The following LANCL2 variants were observed in gnomAD, a reference collection of about 807,000 sequenced individuals.
The protein encoded by LANCL2 is lanC-like protein 2.
Under a neutral mutation model 56.9 loss-of-function variants are expected in LANCL2, and 33 were observed. The observed-to-expected ratio is 0.58, with a 90% CI of 0.44 to 0.78. The LOEUF (loss-of-function observed/expected upper bound fraction) is 0.78, where lower values mean the gene tolerates loss of function less well. Ranked by LOEUF, LANCL2 falls within the 30% of genes least tolerant of loss-of-function variation. The pLI is 0.00. For synonymous variants in LANCL2, 233 were observed against 228.2 expected (o/e 1.02, Z -0.19); for missense variants, 562 against 580.2 (o/e 0.97, Z 0.32).
At chr7:55,394,963 T>C (rs1790233587) in intron 2 of LANCL2, among the ~76,000 whole-genome samples, 1 of 152,154 alleles carries the variant, frequency 6.6e-6, no homozygotes, top group Non-Finnish European at 1.5e-5. Flanking sequence ...AGCGGCATCC[T>C]TGCTGGCCCC....
intron 7 of LANCL2, among the ~76,000 whole-genome samples, chr7:55,427,801 A>C (rs1258836798): frequency 6.6e-6 from 1 of 152,254 alleles, no homozygotes; most frequent in Non-Finnish European, 1.5e-5. Flanking sequence ...ACGATATGGA[A>C]ACACCCATTG....
chr7:55,429,563 C>T (rs553470961), intron 8 of LANCL2, among the ~76,000 whole-genome samples: 33 of 152,264 alleles, frequency 2.2e-4, no homozygotes, highest in African/African-American at 6.0e-4. Flanking sequence ...TTTAGAAATA[C>T]GAGCAGAAAA....
chr7:55,431,164 A>T, intron 8 of LANCL2, 62 bp from the exon 9 acceptor site: 3 of 1,210,238 alleles, frequency 2.5e-6, no homozygotes, highest in Non-Finnish European at 3.5e-6. Flanking sequence ...AATGATTAAA[A>T]GTCACTGTTA....
intron 6 of LANCL2, among the ~76,000 whole-genome samples, chr7:55,415,617 C>CTTTTTTTTTTTTTTTTTTTTT (rs1790526930): frequency 1.6e-5 from 1 of 60,840 alleles, no homozygotes; most frequent in African/African-American, 5.1e-5. Context: ...CATTGTTTTT[C>CTTTTTTTTTTTTTTTTTTTTT]TTTCTTTTTT....
intron 1 of LANCL2, among the ~76,000 whole-genome samples, chr7:55,380,718 T>C (rs1790057388): frequency 6.6e-6 from 1 of 151,620 alleles, no homozygotes; most frequent in South Asian, 2.1e-4. Flanking sequence ...CAGTGTGTGA[T>C]TGGAGGAAGA....
intron 8 of LANCL2, 95 bp from the exon 9 acceptor site, chr7:55,431,131 T>A: frequency 1.2e-6 from 1 of 840,160 alleles, no homozygotes; most frequent in Non-Finnish European, 1.8e-6. Flanking sequence ...CTTTCCCACA[T>A]GCTTGCAGCC....
intron 1 of LANCL2, among the ~76,000 whole-genome samples, chr7:55,390,920 CTTAA>C (rs1157645537): frequency 2.7e-5 from 4 of 150,586 alleles, no homozygotes; most frequent in Non-Finnish European, 5.9e-5. Context: ...AGTCTTGGGA[CTTAA>C]TTCTTTTTAT....
In LANCL2 at chr7:55,401,236, C is replaced by T. The variant is rs769859480; in HGVS notation, c.741C>T (p.Arg247=). The stretch of plus-strand genomic sequence containing the variant: ...CAAGGGAAGAAAGAAAAACGGAGCG[C>T]TGCCCGCTGTTGTACCAGTGGCACC... ...TLSREERKTE[R]CPLLYQWHRK... Residue 247 remains arginine (R), a synonymous_variant, in exon 5 of 9, where the codon CGC becomes CGT. Coordinates refer to ENST00000254770, the MANE Select transcript of LANCL2 (RefSeq NM_018697.4). The T allele has an allele frequency of 1.9e-6, 3 of 1,614,096 alleles. No individual in the cohort carries two copies. The highest frequency in any genetic ancestry group is 2.5e-6 in the Non-Finnish European group (3 of 1,179,970).
chr7:55,366,492 G>C lies in LANCL2; in HGVS notation c.204+263G>C, dbSNP rs146079094. ...ACGCGGACAGTGCGCTTTCCTTCTT[G>C]GCCCGAGCGGCGCTTCGCAATGCGG... is the stretch of plus-strand genomic sequence containing the variant. On this transcript the variant is annotated intron_variant, in intron 1 of 8. Transcript: ENST00000254770. Among the ~76,000 whole-genome samples the C allele has an allele frequency of 4.2e-4, 64 of 152,316 alleles. No individual in the cohort carries two copies. The East Asian group carries it at 0.012, about 30-fold the overall frequency.
At chr7:55,367,270 C>T (rs1285394973) in intron 1 of LANCL2, among the ~76,000 whole-genome samples, 1 of 152,140 alleles carries the variant, frequency 6.6e-6, no homozygotes. Flanking sequence ...TTTCTTTTTC[C>T]ACTGAGGTAC....
chr7:55,407,695 C>T lies in LANCL2; in HGVS notation c.826-4212C>T, dbSNP rs184096848. ...CCAGGCAAGAGAGGATTCTCCAGCA[C>T]TCTGCTTTCAGACTCCAGCTGCAGC... On this transcript the variant is annotated intron_variant, in intron 5 of 8. Transcript: ENST00000254770. Among the ~76,000 whole-genome samples the T allele has an allele frequency of 1.5e-3, 228 of 152,378 alleles. 1 individual carries two copies. Among genetic ancestry groups the T allele is most frequent in the Admixed American group, 3.7e-3 (57 of 15,306 alleles).
chr7:55,409,570 A>C (rs964573029), intron 5 of LANCL2, among the ~76,000 whole-genome samples: 1 of 152,170 alleles, frequency 6.6e-6, no homozygotes, highest in Non-Finnish European at 1.5e-5. Flanking sequence ...GAGTACTCTA[A>C]GAAGGAGGAT....
intron 1 of LANCL2, among the ~76,000 whole-genome samples, chr7:55,369,135 C>T (rs1256138441): frequency 6.6e-6 from 1 of 152,008 alleles, no homozygotes; most frequent in Non-Finnish European, 1.5e-5. Flanking sequence ...AGAGCATGGC[C>T]CTGTTGATAC....
intron 7 of LANCL2, among the ~76,000 whole-genome samples, chr7:55,427,632 A>G (rs1790679163): frequency 1.3e-5 from 2 of 152,230 alleles, no homozygotes; most frequent in African/African-American, 2.4e-5. Context: ...GGGCCATCAA[A>G]CAAGCTAAGA....
chr7:55,407,588 T>C (rs2128994733), intron 5 of LANCL2, among the ~76,000 whole-genome samples: 1 of 152,342 alleles, frequency 6.6e-6, no homozygotes, highest in South Asian at 2.1e-4. Context: ...TGGTGGACTT[T>C]GAGTGAAGCC....
intron 6 of LANCL2, among the ~76,000 whole-genome samples, chr7:55,415,986 C>T (rs1331347945): frequency 1.3e-5 from 2 of 152,098 alleles, no homozygotes; most frequent in African/African-American, 4.8e-5. Context: ...CATTCTTGCA[C>T]AGGTCTGTCT....
intron 6 of LANCL2, among the ~76,000 whole-genome samples, chr7:55,417,675 T>C (rs1478475360): frequency 6.6e-6 from 1 of 152,092 alleles, no homozygotes; most frequent in Non-Finnish European, 1.5e-5. Context: ...TCCACTTGGG[T>C]AGAACTAACT....
intron 6 of LANCL2, among the ~76,000 whole-genome samples, chr7:55,424,520 A>C (rs1424281126): frequency 2.6e-5 from 4 of 152,274 alleles, no homozygotes; most frequent in Admixed American, 2.6e-4. Context: ...CTACAAGAGC[A>C]GAAGTTTTAG....
At chr7:55,397,661 TTTTTTTTTTTTTTTTTACTTAGCTGTCA>T in intron 2 of LANCL2, among the ~76,000 whole-genome samples, 1 of 147,680 alleles carries the variant, frequency 6.8e-6, no homozygotes, top group African/African-American at 2.5e-5. Flanking sequence ...TGATTCTTTT[TTTTTTTTTTTTTTTTTACTTAGCTGTCA>T]TATTGTCTTC....
Sources: allele counts gnomAD v4.1 joint callset (sites outside exome capture counted in the v4.1 genomes callset), GRCh38; gene constraint gnomAD v4.1.1; transcripts MANE v1.5; gene names NCBI Gene and HGNC (gene_info 2026-07-23, HGNC 2026-07-21).